The following CREBBP variants were observed in gnomAD, a reference collection of about 807,000 sequenced individuals.
CREBBP encodes the protein CREB-binding protein.
CREBBP carries 19 observed loss-of-function variants against 265.0 expected under a neutral mutation model. The observed-to-expected ratio is 0.07, with a 90% confidence interval of 0.05 to 0.11. The LOEUF (loss-of-function observed/expected upper bound fraction) is 0.11. Ranked by LOEUF, CREBBP falls within the 10% of genes least tolerant of loss-of-function variation. The pLI is 1.00. For missense variants in CREBBP, 2,525 were observed against 3,219.0 expected (o/e 0.78, Z 5.22); for synonymous variants, 1,457 against 1,223.7 (o/e 1.19, Z -3.98).
intron 10 of CREBBP, 134 bp downstream of exon 10, chr16:3,777,877 C>T (rs2053182123): frequency 3.3e-6 from 4 of 1,196,748 alleles, no homozygotes; most frequent in Admixed American, 1.8e-5. Context: ...GTGGTCAGGG[C>T]CACTGCCACA....
rs536040244 is a variant in CREBBP at position 3,856,725 on chromosome 16, T to C, written c.86-5716A>G. 3.8e-4 allele frequency among the ~76,000 whole-genome samples: 58 copies of C among 152,334 alleles called. 1 individual carries two copies. Among genetic ancestry groups the C allele is most frequent in the Middle Eastern group, 3.4e-3 (1 of 294 alleles). Reference sequence around the variant, plus strand: ...ATTACCATTAGAGATCAGCTCTCCTTCCTTTCTGTCCAGGGCGAGGATGAA... The same window carrying C: ...ATTACCATTAGAGATCAGCTCTCCTCCCTTTCTGTCCAGGGCGAGGATGAA... On this transcript the variant is annotated intron_variant, in intron 1 of 30. Transcript: ENST00000262367.
chr16:3,879,964 CGAGGGCCCGGACGGGGGTCGGG>C lies in CREBBP; in HGVS notation c.-70_-49del, dbSNP rs761445480. ...CCCCGGGCACGGGCGGCCGGGCCGGCGAGGGCCCGGACGGGGGTCGGGGGCCCTGCCGGCTGCGAGGGAGAGG... is the reference window on the plus strand; with the variant it reads ...CCCCGGGCACGGGCGGCCGGGCCGGCGGCCCTGCCGGCTGCGAGGGAGAGG... On this transcript the variant is annotated 5_prime_UTR_variant, in exon 1 of 31. Transcript: ENST00000262367. The C allele has an allele frequency of 7.0e-6, 11 of 1,565,420 alleles. No homozygotes were observed. Among genetic ancestry groups the C allele is most frequent in the East Asian group, 2.3e-5 (1 of 43,226 alleles).
chr16:3,789,212 C>A (rs1209955533), intron 5 of CREBBP, among the ~76,000 whole-genome samples: 2 of 152,156 alleles, frequency 1.3e-5, no homozygotes, highest in South Asian at 4.1e-4. Flanking sequence ...CTCCACAGAG[C>A]GAGCACAGGT....
chr16:3,869,371 A>G (rs2055245446), intron 1 of CREBBP, among the ~76,000 whole-genome samples: 2 of 152,234 alleles, frequency 1.3e-5, no homozygotes, highest in African/African-American at 2.4e-5. Context: ...AATAATCCTG[A>G]ACAGTGTGAC....
intron 1 of CREBBP, among the ~76,000 whole-genome samples, chr16:3,852,237 C>A (rs1379668370): frequency 8.0e-6 from 1 of 125,036 alleles, no homozygotes; most frequent in Non-Finnish European, 1.6e-5. Context: ...GGCGTGATCT[C>A]GGCTCACTGC....
At chr16:3,790,523 C>T (rs187832298) in intron 5 of CREBBP, among the ~76,000 whole-genome samples, 2 of 152,002 alleles carry the variant, frequency 1.3e-5, no homozygotes, top group East Asian at 1.9e-4. Flanking sequence ...TACAGGCATG[C>T]GCCACCACGC....
At chr16:3,829,865 T>G (rs768830808) in intron 2 of CREBBP, among the ~76,000 whole-genome samples, 3 of 151,762 alleles carry the variant, frequency 2.0e-5, no homozygotes, top group African/African-American at 7.3e-5. Flanking sequence ...ATGAAACAGA[T>G]ACAGAGATGA....
chr16:3,770,007 A>T (rs1331579057), intron 14 of CREBBP, among the ~76,000 whole-genome samples: 1 of 152,052 alleles, frequency 6.6e-6, no homozygotes, highest in Admixed American at 6.6e-5. Flanking sequence ...AGTAGCTGGG[A>T]ATACAGGCAC....
At chr16:3,819,226 T>C (rs538879071) in intron 2 of CREBBP, among the ~76,000 whole-genome samples, 1 of 152,386 alleles carries the variant, frequency 6.6e-6, no homozygotes, top group Non-Finnish European at 1.5e-5. Flanking sequence ...TGGGGATATC[T>C]GAATGGCGAC....
rs763764728 is a variant in CREBBP, at chr16:3,769,162, A to G, written c.3060+12T>C. Reference sequence around the variant, plus strand: ...ATACGCAGTCAATGCATTCCTAGGGAGCGGCACCCACCTCAGACCTGGGCT... The same window carrying G: ...ATACGCAGTCAATGCATTCCTAGGGGGCGGCACCCACCTCAGACCTGGGCT... On this transcript the variant is annotated intron_variant, in intron 15 of 30. Coordinates refer to ENST00000262367, the MANE Select transcript of CREBBP (RefSeq NM_004380.3). 6.2e-7 allele frequency: 1 copy of G among 1,613,784 alleles called. No individual in the cohort carries two copies. Among genetic ancestry groups the G allele is most frequent in the Non-Finnish European group, 8.5e-7 (1 of 1,180,006 alleles).
intron 16 of CREBBP, among the ~76,000 whole-genome samples, chr16:3,763,314 A>AT: frequency 6.6e-6 from 1 of 151,992 alleles, no homozygotes; most frequent in Non-Finnish European, 1.5e-5. Flanking sequence ...ATGCACCACC[A>AT]TAACCAGCTA....
rs2141193007 is a variant in CREBBP at position 3,769,361 on chromosome 16, A to G, written c.2881-8T>C. ...GGCTGCTGCCTGGGAAAGCTGTGAA[A>G]AAACCGAAAGCACTGACTTCAGTAA... On this transcript the variant is annotated splice_region_variant and splice_polypyrimidine_tract_variant and intron_variant, in intron 14 of 30. Transcript: ENST00000262367. 1 of 1,614,214 alleles carries G rather than the reference A, an allele frequency of 6.2e-7. No individual in the cohort carries two copies. The highest frequency in any genetic ancestry group is 8.5e-7 in the Non-Finnish European group (1 of 1,180,038).
rs2151316101 is a variant in CREBBP at position 3,731,239 on chromosome 16, C to T, written c.5125G>A (p.Glu1709Lys). Residue 1709 changes from glutamate to lysine, a missense_variant, in exon 30 of 31, where the codon GAG becomes AAG. Transcript: ENST00000262367. This position sits in a 1 kb window ranked among gnomAD's most constrained non-coding sequence, Gnocchi z 7.7. The stretch of plus-strand genomic sequence containing the variant: ...CGCGTCTCCACGTGGTGCTTGCACT[C>T]GTTGCAGGTGTAGACAAAGCGGTCC... Reference protein sequence around the residue: ...GQDRFVYTCNECKHHVETRWH... With the variant: ...GQDRFVYTCNKCKHHVETRWH... 1 of 1,614,134 alleles carries T rather than the reference C, an allele frequency of 6.2e-7. No homozygotes were observed. Among genetic ancestry groups the T allele is most frequent in the Non-Finnish European group, 8.5e-7 (1 of 1,180,022 alleles).
chr16:3,866,719 C>A (rs2055185981), intron 1 of CREBBP, among the ~76,000 whole-genome samples: 2 of 152,014 alleles, frequency 1.3e-5, no homozygotes, highest in Admixed American at 1.3e-4. Flanking sequence ...TCTAGCTCAA[C>A]CCCGAAAAAC....
At chr16:3,783,751 T>G (rs1280566912) in intron 5 of CREBBP, among the ~76,000 whole-genome samples, 1 of 152,252 alleles carries the variant, frequency 6.6e-6, no homozygotes, top group East Asian at 1.9e-4. Context: ...TGAGGCCCAC[T>G]GCTGGCTGGC....
intron 19 of CREBBP, among the ~76,000 whole-genome samples, chr16:3,755,894 T>A (rs946774862): frequency 6.6e-6 from 1 of 152,182 alleles, no homozygotes; most frequent in Non-Finnish European, 1.5e-5. Flanking sequence ...TGAACAGTAT[T>A]AGGAATAAGC....
At chr16:3,829,344 G>C (rs1400642008) in intron 2 of CREBBP, among the ~76,000 whole-genome samples, 1 of 152,142 alleles carries the variant, frequency 6.6e-6, no homozygotes. Flanking sequence ...GTCACTACGG[G>C]ACAACCATTA....
chr16:3,846,214 T>A (rs1448112116), intron 2 of CREBBP, among the ~76,000 whole-genome samples: 1 of 152,032 alleles, frequency 6.6e-6, no homozygotes. Flanking sequence ...TTATGAACAA[T>A]CAGTAAAATA....
Position 3,782,557 on chromosome 16 carries a change from G to T in CREBBP, c.1573+127C>A, listed in dbSNP as rs1428172514. 3 of 1,273,112 alleles carry T rather than the reference G, an allele frequency of 2.4e-6. No individual in the cohort carries two copies. In the African/African-American group the frequency reaches 4.5e-5, roughly 19 times the overall value. 78.9% of individuals were successfully genotyped at this position (1,273,112 alleles called of 1,614,324 possible). A position where few individuals can be genotyped will look rare whatever the true frequency, so the allele number is the denominator to read the frequency against. ...CAGATACTTCAGCTTTTTCCTGGGA[G>T]ATTTTTTATTTCAACCACCGTAGTA... On this transcript the variant is annotated intron_variant, in intron 6 of 30. Coordinates refer to ENST00000262367, the MANE Select transcript of CREBBP (RefSeq NM_004380.3).
Sources: allele counts gnomAD v4.1 joint callset (sites outside exome capture counted in the v4.1 genomes callset), GRCh38; gene constraint gnomAD v4.1.1; non-coding constraint Gnocchi (gnomAD v3.1); transcripts MANE v1.5; gene names NCBI Gene and HGNC (gene_info 2026-07-23, HGNC 2026-07-21).